Variants in KCTD2 observed in about 807,000 individuals in gnomAD.
KCTD2 encodes the protein BTB/POZ domain-containing protein KCTD2.
Under a neutral mutation model 27.9 loss-of-function variants are expected in KCTD2, and 18 were observed. That is an observed-to-expected ratio of 0.64 (90% CI 0.45 to 0.96). The LOEUF (loss-of-function observed/expected upper bound fraction) is 0.96. KCTD2 is among the 40% of genes least tolerant of loss of function. KCTD2 has a pLI of 0.00. For missense variants in KCTD2, 280 were observed against 348.0 expected (o/e 0.80, Z 1.56); for synonymous variants, 175 against 148.4 (o/e 1.18, Z -1.30).
At chr17:75,035,032 G>A (rs954876870) in intron 2 of KCTD2, among the ~76,000 whole-genome samples, 6 of 152,116 alleles carry the variant, frequency 3.9e-5, no homozygotes, top group African/African-American at 1.4e-4. Context: ...AGGCGGCCAG[G>A]GTGCGAGCAG....
chr17:75,052,572 A>T (rs894012046), intron 2 of KCTD2, among the ~76,000 whole-genome samples: 2 of 152,212 alleles, frequency 1.3e-5, no homozygotes, highest in Admixed American at 1.3e-4. Flanking sequence ...AAATACAAAA[A>T]ATTAGCCAGG....
intron 2 of KCTD2, among the ~76,000 whole-genome samples, chr17:75,034,554 G>A (rs73367023): frequency 6.6e-6 from 1 of 152,144 alleles, no homozygotes; most frequent in African/African-American, 2.4e-5. Flanking sequence ...CAACCATAGT[G>A]CCCAAACACG....
intron 3 of KCTD2, chr17:75,039,387 T>C (rs2144908463): frequency 1.1e-6 from 1 of 924,348 alleles, no homozygotes; most frequent in South Asian, 1.4e-5. Flanking sequence ...ATGGAGAAAC[T>C]GTGGTTACCC....
chr17:75,055,754 C>T (rs1171638555), intron 3 of KCTD2, among the ~76,000 whole-genome samples: 2 of 151,988 alleles, frequency 1.3e-5, no homozygotes, highest in African/African-American at 4.8e-5. Flanking sequence ...ATGGCTTGAA[C>T]CCGGGAGGAG....
chr17:75,053,207 G>A (rs892576126), intron 3 of KCTD2, 102 bp downstream of exon 3: 9 of 877,598 alleles, frequency 1.0e-5, no homozygotes, highest in Middle Eastern at 2.2e-4. Flanking sequence ...CTGGAGGTGT[G>A]TGTGGAACAC....
intron 5 of KCTD2, among the ~76,000 whole-genome samples, chr17:75,062,743 C>CACACACACACACACACACACACAG (rs1325191013): frequency 9.6e-5 from 14 of 146,090 alleles, no homozygotes; most frequent in Admixed American, 2.7e-4. Context: ...CACACACACA[C>CACACACACACACACACACACACAG]AGCTTCTAAA....
Position 75,047,628 on chromosome 17 carries a change from C to T in KCTD2, c.339+39C>T. 5 of 1,576,674 alleles carry T rather than the reference C, an allele frequency of 3.2e-6. No homozygotes were observed. The South Asian group carries it at 4.5e-5, about 14-fold the overall frequency. On this transcript the variant is annotated intron_variant, in intron 1 of 5. Transcript: ENST00000322444. The stretch of plus-strand genomic sequence containing the variant: ...TCGGGCGCGCCCCCGGGCCTTCGAA[C>T]CCCCTGGTTTCTCGTAGATCGGTCC...
At position 75,047,607 on chromosome 17, in the gene KCTD2, G is replaced by T. The variant is rs1259372182; in HGVS notation, c.339+18G>T. 1 of 1,599,914 alleles carries T rather than the reference G, an allele frequency of 6.3e-7. No individual in the cohort carries two copies. Among genetic ancestry groups the T allele is most frequent in the Admixed American group, 1.7e-5 (1 of 59,042 alleles). ...CAGACAAGGTGTGCCCCGCCCTCGG[G>T]CGCGCCCCCGGGCCTTCGAACCCCC... On this transcript the variant is annotated intron_variant, in intron 1 of 5. Coordinates refer to ENST00000322444, the MANE Select transcript of KCTD2 (RefSeq NM_015353.3).
At chr17:75,052,960 G>GT in intron 2 of KCTD2, 54 bp from the exon 3 acceptor site, 1 of 1,324,416 alleles carries the variant, frequency 7.6e-7, no homozygotes, top group South Asian at 1.2e-5. Context: ...TCTCCTTGGT[G>GT]TTTTTCTGGC....
At chr17:75,054,436 G>C (rs1020050398) in intron 3 of KCTD2, among the ~76,000 whole-genome samples, 8 of 152,138 alleles carry the variant, frequency 5.3e-5, no homozygotes, top group African/African-American at 1.7e-4. Context: ...TATGTTTGTC[G>C]TGTGTTTGAA....
intron 3 of KCTD2, among the ~76,000 whole-genome samples, chr17:75,055,672 A>G (rs546598257): frequency 3.3e-5 from 5 of 152,176 alleles, no homozygotes; most frequent in African/African-American, 1.2e-4. Flanking sequence ...TGTCTCTACT[A>G]AAAATACAAA....
intron 1 of KCTD2, among the ~76,000 whole-genome samples, chr17:75,033,815 C>T (rs945140177): frequency 5.3e-5 from 8 of 152,338 alleles, no homozygotes; most frequent in African/African-American, 1.7e-4. Context: ...GGGACGGACC[C>T]ACTCCATGGA....
At chr17:75,034,444 A>C (rs965172191) in intron 2 of KCTD2, among the ~76,000 whole-genome samples, 1 of 152,106 alleles carries the variant, frequency 6.6e-6, no homozygotes, top group Non-Finnish European at 1.5e-5. Flanking sequence ...CCCAGGTGGG[A>C]CTCGAACCCA....
intron 3 of KCTD2, among the ~76,000 whole-genome samples, chr17:75,053,658 G>T (rs1016279921): frequency 2.0e-5 from 3 of 152,028 alleles, no homozygotes; most frequent in African/African-American, 2.4e-5. Context: ...GGTCAGGCTG[G>T]TCTCGAACTC....
intron 4 of KCTD2, among the ~76,000 whole-genome samples, chr17:75,061,394 C>T (rs1056989343): frequency 2.0e-5 from 3 of 152,192 alleles, no homozygotes; most frequent in African/African-American, 7.2e-5. Flanking sequence ...CCTGTAATCT[C>T]GGCACTTTGG....
chr17:75,045,152 A>G (rs1209254350), upstream of KCTD2, among the ~76,000 whole-genome samples: 1 of 152,238 alleles, frequency 6.6e-6, no homozygotes, highest in East Asian at 1.9e-4. Flanking sequence ...CCCACAAGCC[A>G]CAAAAACCAG....
At chr17:75,042,395 G>C, upstream of KCTD2, 1 of 1,499,002 alleles carries the variant, frequency 6.7e-7, no homozygotes, top group Non-Finnish European at 9.1e-7. Context: ...CCTCTCCTAA[G>C]ATCATCATGA....
chr17:75,042,055 CA>C, intron 3 of KCTD2: 1 of 770,800 alleles, frequency 1.3e-6, no homozygotes, highest in Non-Finnish European at 2.1e-6. Flanking sequence ...GGCCTTTGGC[CA>C]TACGCATCCT....
intron 3 of KCTD2, among the ~76,000 whole-genome samples, chr17:75,053,515 A>C (rs982369485): frequency 2.0e-5 from 3 of 151,668 alleles, no homozygotes; most frequent in African/African-American, 7.3e-5. Flanking sequence ...ATCTCGGCTC[A>C]CTGCAACCTC....
Sources: gnomAD v4.1 joint callset for allele counts (sites outside exome capture counted in the v4.1 genomes callset) on GRCh38, gnomAD v4.1.1 for gene constraint, MANE v1.5 for transcripts, NCBI Gene and HGNC (gene_info 2026-07-23, HGNC 2026-07-21) for gene names.